The following ZNF214 variants were observed in gnomAD, a reference collection of about 807,000 sequenced individuals.
ZNF214 encodes the protein zinc finger protein 214, also known as BWSCR2-associated zinc finger protein 1.
A neutral mutation model predicts 53.9 loss-of-function variants in ZNF214; 43 were observed. The ratio of observed to expected loss-of-function variants is 0.80; its 90% confidence interval spans 0.63 to 1.03. The LOEUF (loss-of-function observed/expected upper bound fraction) is 1.03, where lower values mean the gene tolerates loss of function less well. Among genes scored for constraint, ZNF214 ranks in the 50% least tolerant of loss-of-function variants. The pLI is 0.00. For synonymous variants in ZNF214, 217 were observed against 229.5 expected (o/e 0.95, Z 0.49); for missense variants, 724 against 719.1 (o/e 1.01, Z -0.08).
rs974325347 is a variant in ZNF214, at chr11:7,000,216, T to C, written c.1467A>G (p.Gln489=). 1 of 1,612,962 alleles carries C rather than the reference T, an allele frequency of 6.2e-7. No homozygotes were observed. The highest frequency in any genetic ancestry group is 8.5e-7 in the Non-Finnish European group (1 of 1,179,546). Residue 489 remains glutamine, a synonymous_variant, in exon 3 of 3, where the codon CAA becomes CAG. Coordinates refer to ENST00000278314, the MANE Select transcript of ZNF214 (RefSeq NM_013249.4). ...FSKSSKLHTH[Q]RVHTGEKPYK... ...AGGGTTTCTCTCCAGTATGTACTCTTTGATGAGTGTGAAGCTTTGAACTCT... is the reference window on the plus strand; with the variant it reads ...AGGGTTTCTCTCCAGTATGTACTCTCTGATGAGTGTGAAGCTTTGAACTCT...
rs1423375106 is a variant in ZNF214, at chr11:6,999,847, C to T, written c.*15G>A. 2.5e-6 allele frequency: 4 copies of T among 1,583,252 alleles called. No individual in the cohort carries two copies. The highest frequency in any genetic ancestry group is 3.4e-6 in the Non-Finnish European group (4 of 1,165,112). On this transcript the variant is annotated 3_prime_UTR_variant, in exon 3 of 3. Coordinates refer to ENST00000278314, the MANE Select transcript of ZNF214 (RefSeq NM_013249.4). The stretch of plus-strand genomic sequence containing the variant: ...GGTAAACTTTGATTAAAGCTGTTAA[C>T]TAAATGAACAATATTTATAAGTTTC...
Position 7,000,425 on chromosome 11 carries a change from C to A in ZNF214, c.1258G>T (p.Gly420Cys). The change falls in exon 3 of 3, where the codon GGT (glycine) becomes TGT (cysteine). Residue 420 changes from glycine to cysteine, a missense_variant. By Grantham distance (159) the Gly-to-Cys change is radical (BLOSUM62 -3). Transcript: ENST00000278314. ...TTTGAGCGCTGGGTAAAGCCTTTAC[C>A]ACAGTCTTCACATTTATAAGACTTC... ...GEKSYKCEDC[G>C]KGFTQRSNLQ... The A allele has an allele frequency of 6.2e-7, 1 of 1,613,312 alleles. No homozygotes were observed. Among genetic ancestry groups the A allele is most frequent in the Non-Finnish European group, 8.5e-7 (1 of 1,179,560 alleles).
At chr11:7,013,464 G>C (rs1384234117) in intron 1 of ZNF214, among the ~76,000 whole-genome samples, 1 of 152,200 alleles carries the variant, frequency 6.6e-6, no homozygotes, top group Non-Finnish European at 1.5e-5. Context: ...ACTATCTAAA[G>C]TAGCAGAACA....
In ZNF214 at chr11:7,000,419, C is replaced by T. The variant is rs1319551549; in HGVS notation, c.1264G>A (p.Gly422Ser). ...TGAAGATTTGAGCGCTGGGTAAAGC[C>T]TTTACCACAGTCTTCACATTTATAA... is the stretch of plus-strand genomic sequence containing the variant. ...KSYKCEDCGK[G>S]FTQRSNLQIH... Residue 422 changes from glycine to serine, a missense_variant, in exon 3 of 3, where the codon GGC (glycine) becomes AGC (serine). Coordinates refer to ENST00000278314, the MANE Select transcript of ZNF214 (RefSeq NM_013249.4). 6.2e-7 allele frequency: 1 copy of T among 1,613,338 alleles called. No individual in the cohort carries two copies. Among genetic ancestry groups the T allele is most frequent in the South Asian group, 1.1e-5 (1 of 91,046 alleles).
intron 1 of ZNF214, among the ~76,000 whole-genome samples, chr11:7,014,567 C>T (rs1268053786): frequency 6.6e-6 from 1 of 151,890 alleles, no homozygotes; most frequent in Admixed American, 6.6e-5. Flanking sequence ...TAGTTAAAAG[C>T]GCAGGAAAAA....
chr11:7,008,399 C>T (rs554256575), intron 1 of ZNF214, among the ~76,000 whole-genome samples: 45 of 152,172 alleles, frequency 3.0e-4, no homozygotes, highest in Non-Finnish European at 5.0e-4. Flanking sequence ...TACCACTGCA[C>T]TCCAGCCTGC....
At chr11:7,013,980 G>A (rs1422101298) in intron 1 of ZNF214, among the ~76,000 whole-genome samples, 1 of 152,090 alleles carries the variant, frequency 6.6e-6, no homozygotes, top group African/African-American at 2.4e-5. Context: ...TAAAACTACA[G>A]ACAAAGCATG....
Position 6,999,783 on chromosome 11 carries a change from G to A in ZNF214, c.*79C>T, listed in dbSNP as rs554968511. 3 of 1,417,866 alleles carry A rather than the reference G, an allele frequency of 2.1e-6. No individual in the cohort carries two copies. The East Asian group carries it at 6.9e-5, about 33-fold the overall frequency. The allele number at this position is 1,417,866 out of a possible 1,614,324, so 87.8% of individuals were successfully genotyped here. ...TTGGGATTACTTGTGTTATTTATAA[G>A]ATTTCCTTAACAGCAGGATTTATAG... is the stretch of plus-strand genomic sequence containing the variant. On this transcript the variant is annotated 3_prime_UTR_variant, in exon 3 of 3. Transcript: ENST00000278314.
chr11:7,008,541 C>T (rs1232995768), intron 1 of ZNF214, among the ~76,000 whole-genome samples: 1 of 151,908 alleles, frequency 6.6e-6, no homozygotes, highest in Non-Finnish European at 1.5e-5. Context: ...CAAGAATGCC[C>T]ACTCTCACCA....
intron 1 of ZNF214, among the ~76,000 whole-genome samples, chr11:7,012,284 A>C (rs892711871): frequency 3.3e-5 from 5 of 152,328 alleles, no homozygotes; most frequent in Middle Eastern, 3.4e-3. Context: ...GACAGAGGTA[A>C]GGATTATTTA....
Position 6,999,863 on chromosome 11 carries a change from T to C in ZNF214, c.1820A>G (p.Ter607=), listed in dbSNP as rs760908127. The C allele has an allele frequency of 1.9e-6, 3 of 1,599,384 alleles. No individual in the cohort carries two copies. The African/African-American group carries it at 4.0e-5, about 22-fold the overall frequency. ...LHNNHRRGNL[*] ...AGCTGTTAACTAAATGAACAATATTTATAAGTTTCCTCTTCTATGATTATT... is the reference window on the plus strand; with the variant it reads ...AGCTGTTAACTAAATGAACAATATTCATAAGTTTCCTCTTCTATGATTATT... The change falls in exon 3 of 3, where the codon TAA becomes TGA. Residue 607 remains the stop codon, a stop_retained_variant. Transcript: ENST00000278314.
At chr11:7,013,207 T>C (rs953962345) in intron 1 of ZNF214, among the ~76,000 whole-genome samples, 5 of 152,198 alleles carry the variant, frequency 3.3e-5, no homozygotes, top group African/African-American at 1.2e-4. Context: ...TCACTTCTAC[T>C]GTACTCCACT....
Position 6,999,845 on chromosome 11 carries a change from A to G in ZNF214, c.*17T>C. ...TAGGTAAACTTTGATTAAAGCTGTT[A>G]ACTAAATGAACAATATTTATAAGTT... is the stretch of plus-strand genomic sequence containing the variant. On this transcript the variant is annotated 3_prime_UTR_variant, in exon 3 of 3. Transcript: ENST00000278314. 6.3e-7 allele frequency: 1 copy of G among 1,580,316 alleles called. No homozygotes were observed. The highest frequency in any genetic ancestry group is 1.2e-5 in the South Asian group (1 of 85,936).
At chr11:7,014,503 T>C (rs986426581) in intron 1 of ZNF214, among the ~76,000 whole-genome samples, 4 of 152,216 alleles carry the variant, frequency 2.6e-5, no homozygotes, top group Non-Finnish European at 5.9e-5. Flanking sequence ...TGATTCAATT[T>C]TACAATGTTC....
chr11:7,018,935 G>A (rs568615658), intron 1 of ZNF214, among the ~76,000 whole-genome samples: 1 of 152,252 alleles, frequency 6.6e-6, no homozygotes, highest in Admixed American at 6.5e-5. Context: ...AAGTCTGCAC[G>A]CTCGAAAATT....
At chr11:7,017,666 G>A (rs1185127906) in intron 1 of ZNF214, among the ~76,000 whole-genome samples, 1 of 151,702 alleles carries the variant, frequency 6.6e-6, no homozygotes, top group African/African-American at 2.4e-5. Context: ...TTGAACCAGG[G>A]AGGCTGAGGT....
At position 7,001,235 on chromosome 11, in the gene ZNF214, A is replaced by C; in HGVS notation, c.448T>G (p.Tyr150Asp). The change falls in exon 3 of 3, where the codon TAT (tyrosine) becomes GAT (aspartate). Residue 150 changes from tyrosine to aspartate, a missense_variant. Coordinates refer to ENST00000278314, the MANE Select transcript of ZNF214 (RefSeq NM_013249.4). ...CCACTCATGTAGATTTCTCTACCAT[A>C]GTCTTGAGTGGTTTTTGTTTCTAAG... Reference protein sequence around the residue: ...QSLETKTTQDYGREIYMSGSH... With the variant: ...QSLETKTTQDDGREIYMSGSH... 6.2e-7 allele frequency: 1 copy of C among 1,613,226 alleles called. No homozygotes were observed. Among genetic ancestry groups the C allele is most frequent in the Middle Eastern group, 1.7e-4 (1 of 6,054 alleles).
chr11:7,018,838 G>A (rs1206503835), intron 1 of ZNF214, among the ~76,000 whole-genome samples: 2 of 152,096 alleles, frequency 1.3e-5, no homozygotes, highest in Non-Finnish European at 2.9e-5. Context: ...AGAACACCAA[G>A]AACAGCATGA....
intron 1 of ZNF214, among the ~76,000 whole-genome samples, chr11:7,004,167 A>G (rs1463542787): frequency 6.6e-6 from 1 of 151,924 alleles, no homozygotes; most frequent in Non-Finnish European, 1.5e-5. Context: ...AATTTCTTTT[A>G]CTGGAAATAA....
Sources: allele counts gnomAD v4.1 joint callset (sites outside exome capture counted in the v4.1 genomes callset), GRCh38; gene constraint gnomAD v4.1.1; transcripts MANE v1.5; gene names NCBI Gene and HGNC (gene_info 2026-07-23, HGNC 2026-07-21).